Variants in CSTPP1 observed in about 807,000 individuals in gnomAD.
CSTPP1 encodes the protein UPF0705 protein C11orf49.
chr11:47,149,972 C>T, the CSTPP1 span, among the ~76,000 whole-genome samples: 1 of 152,044 alleles, frequency 6.6e-6, no homozygotes, highest in African/African-American at 2.4e-5. Context: ...TCTCTAGAGC[C>T]AAACTCTAGA....
At chr11:47,152,360 T>C in the CSTPP1 span, among the ~76,000 whole-genome samples, 1 of 152,164 alleles carries the variant, frequency 6.6e-6, no homozygotes, top group East Asian at 1.9e-4. Flanking sequence ...CAACGGCCCA[T>C]CTCCAAAGGG....
chr11:47,038,439 C>G, the CSTPP1 span, among the ~76,000 whole-genome samples: 2 of 104,060 alleles, frequency 1.9e-5, no homozygotes, highest in African/African-American at 5.7e-5. Flanking sequence ...GATGGGGCGG[C>G]TGGCCGGGCG....
the CSTPP1 span, among the ~76,000 whole-genome samples, chr11:47,018,786 T>C: frequency 1.3e-5 from 2 of 152,238 alleles, no homozygotes; most frequent in South Asian, 2.1e-4. Flanking sequence ...AAGTGGCTAA[T>C]GATGTTGAAA....
chr11:47,076,739 C>T, the CSTPP1 span, among the ~76,000 whole-genome samples: 2 of 151,706 alleles, frequency 1.3e-5, no homozygotes, highest in Non-Finnish European at 2.9e-5. Context: ...GAGACTGAGG[C>T]ACAAGAATTG....
At chr11:47,160,517 G>A in the CSTPP1 span, 1 of 152,782 alleles carries the variant, frequency 6.5e-6, no homozygotes, top group Admixed American at 6.5e-5. Flanking sequence ...CAAATGAGAG[G>A]GTTCTATGAG....
the CSTPP1 span, among the ~76,000 whole-genome samples, chr11:47,101,405 TTA>T: frequency 1.3e-5 from 2 of 151,722 alleles, no homozygotes; most frequent in Non-Finnish European, 2.9e-5. Context: ...TCTCACTGAC[TTA>T]TGGTGAGTTT....
chr11:47,062,311 A>G, the CSTPP1 span, among the ~76,000 whole-genome samples: 5 of 152,158 alleles, frequency 3.3e-5, no homozygotes, highest in African/African-American at 1.2e-4. Flanking sequence ...TTGTTATATA[A>G]TATGAAGGCT....
chr11:46,962,628 T>C, the CSTPP1 span, among the ~76,000 whole-genome samples: 2 of 152,256 alleles, frequency 1.3e-5, no homozygotes, highest in Admixed American at 6.5e-5. Flanking sequence ...ATAGTTTTCA[T>C]TGTATAAGTC....
At chr11:47,099,197 C>T in the CSTPP1 span, among the ~76,000 whole-genome samples, 1 of 152,330 alleles carries the variant, frequency 6.6e-6, no homozygotes, top group East Asian at 1.9e-4. Context: ...AAACACTTAA[C>T]TTTCCATACA....
chr11:46,970,108 G>A, the CSTPP1 span, among the ~76,000 whole-genome samples: 2 of 152,092 alleles, frequency 1.3e-5, no homozygotes, highest in Non-Finnish European at 2.9e-5. Flanking sequence ...CCATTGAGGG[G>A]TTAGGGACTA....
At chr11:47,148,282 A>G in the CSTPP1 span, among the ~76,000 whole-genome samples, 13 of 152,114 alleles carry the variant, frequency 8.5e-5, no homozygotes, top group African/African-American at 2.9e-4. Flanking sequence ...GACACCCTTC[A>G]GCCACCCCAT....
At chr11:47,101,182 TTTTTTTTATTTTA>T in the CSTPP1 span, among the ~76,000 whole-genome samples, 35 of 97,660 alleles carry the variant, frequency 3.6e-4, 1 homozygote, top group South Asian at 1.9e-3. Context: ...TTTTTTTTTT[TTTTTTTTATTTTA>T]TTTTTAGTAG....
At chr11:46,950,509 G>A in the CSTPP1 span, among the ~76,000 whole-genome samples, 1 of 151,754 alleles carries the variant, frequency 6.6e-6, no homozygotes, top group Admixed American at 6.6e-5. Context: ...CCTTAGGCAG[G>A]GATCATGTCT....
chr11:47,085,956 G>A, the CSTPP1 span, among the ~76,000 whole-genome samples: 1 of 151,480 alleles, frequency 6.6e-6, no homozygotes. Context: ...GTGTGCATGG[G>A]GAGGGGGAAT....
At chr11:47,098,515 T>C in the CSTPP1 span, among the ~76,000 whole-genome samples, 9,175 of 150,318 alleles carry the variant, frequency 0.061, 373 homozygotes, top group Middle Eastern at 0.092. Flanking sequence ...TTCTTTTTTT[T>C]TTTTTTTGGA....
the CSTPP1 span, among the ~76,000 whole-genome samples, chr11:47,064,066 T>C: frequency 6.6e-6 from 1 of 152,202 alleles, no homozygotes; most frequent in Admixed American, 6.5e-5. Flanking sequence ...TTGCATTTCC[T>C]TAATGACAAA....
At chr11:47,121,437 A>C in the CSTPP1 span, among the ~76,000 whole-genome samples, 1 of 152,196 alleles carries the variant, frequency 6.6e-6, no homozygotes, top group Non-Finnish European at 1.5e-5. Context: ...TTTTAAATTG[A>C]CTAGATATTA....
chr11:47,153,199 TTA>T, the CSTPP1 span, among the ~76,000 whole-genome samples: 206 of 152,248 alleles, frequency 1.4e-3, 2 homozygotes, highest in East Asian at 0.032. Context: ...TTTCCTTGGG[TTA>T]TGAGATGGGG....
At chr11:46,992,586 G>A in the CSTPP1 span, among the ~76,000 whole-genome samples, 2 of 152,066 alleles carry the variant, frequency 1.3e-5, no homozygotes, top group Non-Finnish European at 2.9e-5. Flanking sequence ...TTTTATGGCT[G>A]CATAGTATTC....
Sources: gnomAD v4.1 joint callset for allele counts (sites outside exome capture counted in the v4.1 genomes callset) on GRCh38, gnomAD v4.1.1 for gene constraint, MANE v1.5 for transcripts, NCBI Gene and HGNC (gene_info 2026-07-23, HGNC 2026-07-21) for gene names.